The following MTR variants were observed in gnomAD, a reference collection of about 807,000 sequenced individuals.
The protein encoded by MTR is 5-methyltetrahydrofolate-homocysteine methyltransferase, also known as methionine synthase.
Under a neutral mutation model 154.8 loss-of-function variants are expected in MTR, and 84 were observed. The ratio of observed to expected loss-of-function variants is 0.54; its 90% CI spans 0.45 to 0.65. MTR has a LOEUF of 0.65. Ranked by LOEUF, MTR falls within the 30% of genes least tolerant of loss-of-function variation. The pLI is 0.00. For synonymous variants in MTR, 554 were observed against 553.9 expected, an observed-to-expected ratio of 1.00 and a Z score of 0.00; for missense variants, 1,275 against 1,570.2, an observed-to-expected ratio of 0.81 and a Z score of 3.18.
chr1:236,813,621 C>T lies in MTR; in HGVS notation c.609+777C>T, dbSNP rs371327563. On this transcript the variant is annotated intron_variant, in intron 6 of 32. Transcript: ENST00000366577. ...GTTTTAATTTGTATTTTTCTTACTACTAATGTAATTGAGCATCTTTCTTCA... is the reference window on the plus strand; with the variant it reads ...GTTTTAATTTGTATTTTTCTTACTATTAATGTAATTGAGCATCTTTCTTCA... Among the ~76,000 whole-genome samples, 150 of 152,260 alleles carry T rather than the reference C, an allele frequency of 9.9e-4. 8 individuals carry two copies. In the South Asian group the frequency reaches 0.03, roughly 31 times the overall value.
At chr1:236,860,306 C>G (rs1269077549) in intron 19 of MTR, among the ~76,000 whole-genome samples, 4 of 152,018 alleles carry the variant, frequency 2.6e-5, no homozygotes, top group Non-Finnish European at 5.9e-5. Flanking sequence ...GTCAGCAAGT[C>G]AGTTTCATAG....
chr1:236,849,020 A>C (rs1320061636), intron 15 of MTR, among the ~76,000 whole-genome samples: 3 of 152,170 alleles, frequency 2.0e-5, no homozygotes, highest in African/African-American at 7.2e-5. Context: ...GTTCATTGAG[A>C]ATTGACCTTC....
rs1666846106 is a variant in MTR, at chr1:236,899,916, T to C, written c.*2272T>C. On this transcript the variant is annotated 3_prime_UTR_variant, in exon 33 of 33. Transcript: ENST00000366577. Reference sequence around the variant, plus strand: ...TTTATATCCATAAGATTTGCAAAGGTTGGGTCTGACAGTACCAGTTGTTAG... The same window carrying C: ...TTTATATCCATAAGATTTGCAAAGGCTGGGTCTGACAGTACCAGTTGTTAG... 6.3e-6 allele frequency: 1 copy of C among 157,730 alleles called. No individual in the cohort carries two copies. Among genetic ancestry groups the C allele is most frequent in the South Asian group, 1.9e-4 (1 of 5,298 alleles). 9.8% of individuals were successfully genotyped at this position (157,730 alleles called of 1,614,324 possible).
chr1:236,812,577 G>T (rs1408770319), intron 5 of MTR, among the ~76,000 whole-genome samples, 161 bp from the exon 6 acceptor site: 1 of 152,170 alleles, frequency 6.6e-6, no homozygotes, highest in African/African-American at 2.4e-5. Flanking sequence ...TTCTGTCCCT[G>T]CCACCTTTCT....
intron 18 of MTR, among the ~76,000 whole-genome samples, chr1:236,853,597 G>A (rs888202038): frequency 2.0e-5 from 3 of 152,140 alleles, no homozygotes; most frequent in East Asian, 1.9e-4. Context: ...TCTTAGCAGT[G>A]TACTGGGAAC....
chr1:236,897,819 G>A lies in MTR; in HGVS notation c.*175G>A, dbSNP rs1452987750. On this transcript the variant is annotated 3_prime_UTR_variant, in exon 33 of 33. Coordinates refer to ENST00000366577, the MANE Select transcript of MTR (RefSeq NM_000254.3). ...TGTAGAGGAGCAGGGTCTTCCTGCA[G>A]TGCCTGGAAAACAGGCGCTGTTTTT... The A allele has an allele frequency of 6.3e-6, 4 of 639,492 alleles. No homozygotes were observed. In the East Asian group the frequency reaches 8.2e-5, roughly 13 times the overall value. The allele number at this position is 639,492 out of a possible 1,614,324, so 39.6% of individuals were successfully genotyped here. A position where few individuals can be genotyped will look rare whatever the true frequency, so the allele number is the denominator to read the frequency against.
At chr1:236,838,980 A>T (rs1202273324) in intron 15 of MTR, among the ~76,000 whole-genome samples, 1 of 152,230 alleles carries the variant, frequency 6.6e-6, no homozygotes, top group Non-Finnish European at 1.5e-5. Context: ...TAACACAATG[A>T]TATGTATTTG....
chr1:236,875,197 A>G (rs557859082), intron 24 of MTR, among the ~76,000 whole-genome samples: 14 of 152,336 alleles, frequency 9.2e-5, no homozygotes, highest in Non-Finnish European at 1.6e-4. Flanking sequence ...TTGGCACAAA[A>G]TCATTACTTG....
At chr1:236,803,264 A>C (rs1032667324) in intron 1 of MTR, among the ~76,000 whole-genome samples, 164 bp from the exon 2 acceptor site, 1 of 152,190 alleles carries the variant, frequency 6.6e-6, no homozygotes. Context: ...TCACGACTTA[A>C]TGACCTTTTT....
At chr1:236,879,374 A>G (rs1406263314) in intron 24 of MTR, among the ~76,000 whole-genome samples, 2 of 152,250 alleles carry the variant, frequency 1.3e-5, no homozygotes, top group Non-Finnish European at 2.9e-5. Flanking sequence ...CATTAAATAT[A>G]GTGTTCTGCT....
chr1:236,880,349 C>T (rs182675978), intron 24 of MTR, among the ~76,000 whole-genome samples: 73 of 152,176 alleles, frequency 4.8e-4, no homozygotes, highest in Admixed American at 8.5e-4. Flanking sequence ...GCCTGGTTCC[C>T]GGTTCCTTAG....
At chr1:236,847,562 T>G (rs1189982239) in intron 15 of MTR, among the ~76,000 whole-genome samples, 1 of 152,218 alleles carries the variant, frequency 6.6e-6, no homozygotes, top group Non-Finnish European at 1.5e-5. Flanking sequence ...TAAATGGCAT[T>G]TATTCCTTCC....
At chr1:236,892,405 C>G (rs745974777) in intron 29 of MTR, among the ~76,000 whole-genome samples, 8 of 152,210 alleles carry the variant, frequency 5.3e-5, no homozygotes, top group Admixed American at 2.0e-4. Context: ...TCACTTGAGC[C>G]TAGGAGATCG....
intron 17 of MTR, 99 bp from the exon 18 acceptor site, chr1:236,852,849 C>T (rs1163568880): frequency 8.5e-6 from 12 of 1,412,254 alleles, no homozygotes; most frequent in Non-Finnish European, 5.0e-6. Context: ...GAGGCTATGG[C>T]CTAAAATATT....
At chr1:236,804,796 GC>G (rs1660885854) in intron 2 of MTR, among the ~76,000 whole-genome samples, 1 of 151,836 alleles carries the variant, frequency 6.6e-6, no homozygotes, top group South Asian at 2.1e-4. Flanking sequence ...CCTTTGTTAG[GC>G]ATTTTCATAT....
chr1:236,825,158 T>TTTTTTTTTC (rs60641434), intron 9 of MTR, among the ~76,000 whole-genome samples, 180 bp from the exon 10 acceptor site: 1 of 142,540 alleles, frequency 7.0e-6, no homozygotes, highest in Non-Finnish European at 1.5e-5. Context: ...TTTTTTTTTT[T>TTTTTTTTTC]AGTTTTTTGG....
chr1:236,830,923 C>T (rs1662574749), intron 12 of MTR, among the ~76,000 whole-genome samples: 1 of 152,212 alleles, frequency 6.6e-6, no homozygotes. Context: ...GTTTCTTCCT[C>T]AGCTCATGCT....
At chr1:236,866,186 T>C (rs1664812204) in intron 22 of MTR, among the ~76,000 whole-genome samples, 1 of 152,226 alleles carries the variant, frequency 6.6e-6, no homozygotes, top group South Asian at 2.1e-4. Flanking sequence ...GCATAGAACA[T>C]GTGTCTTGAT....
intron 14 of MTR, among the ~76,000 whole-genome samples, chr1:236,837,415 C>T (rs143300259): frequency 4.6e-5 from 7 of 152,156 alleles, no homozygotes; most frequent in South Asian, 2.1e-4. Flanking sequence ...CTGGGTGCCC[C>T]TGAAATATGC....
Sources: allele counts gnomAD v4.1 joint callset (sites outside exome capture counted in the v4.1 genomes callset), GRCh38; gene constraint gnomAD v4.1.1; transcripts MANE v1.5; gene names NCBI Gene and HGNC (gene_info 2026-07-23, HGNC 2026-07-21).